The following CACNA1C variants were observed in gnomAD, a reference collection of about 807,000 sequenced individuals.
The protein encoded by CACNA1C is voltage-dependent L-type calcium channel subunit alpha-1C.
Under a neutral mutation model 229.0 loss-of-function variants are expected in CACNA1C, and 30 were observed. That is an observed-to-expected ratio of 0.13 (90% CI 0.10 to 0.18). CACNA1C has a LOEUF of 0.18. Among genes scored for constraint, CACNA1C ranks in the 10% least tolerant of loss-of-function variants. The pLI, the probability that CACNA1C is intolerant of heterozygous loss-of-function variation, is 1.00. For missense variants in CACNA1C, 1,658 were observed against 2,845.0 expected, an observed-to-expected ratio of 0.58 and a Z score of 9.49; for synonymous variants, 1,114 against 1,132.5, an observed-to-expected ratio of 0.98 and a Z score of 0.33.
chr12:2,015,229 C>T (rs2045143386), intron 1 of CACNA1C, among the ~76,000 whole-genome samples: 1 of 152,208 alleles, frequency 6.6e-6, no homozygotes, highest in South Asian at 2.1e-4. Flanking sequence ...TGACAAGGGG[C>T]ACCCGTTGGG....
intron 3 of CACNA1C, among the ~76,000 whole-genome samples, chr12:2,359,037 C>T (rs548245222): frequency 6.6e-6 from 1 of 152,328 alleles, no homozygotes; most frequent in South Asian, 2.1e-4. Flanking sequence ...TCCACCTCTC[C>T]TGGCTGATTT....
intron 3 of CACNA1C, among the ~76,000 whole-genome samples, chr12:2,182,324 C>CTGTTACAGTGA (rs2096867200): frequency 1.3e-5 from 2 of 152,162 alleles, no homozygotes; most frequent in Middle Eastern, 3.4e-3. Context: ...TTCATGCACC[C>CTGTTACAGTGA]TGGGGTGGGT....
chr12:2,597,336 C>T lies in CACNA1C; in HGVS notation c.2853+47C>T. On this transcript the variant is annotated intron_variant, in intron 21 of 46. Transcript: ENST00000399655. The surrounding 1 kb of genome is among the most constrained non-coding windows in gnomAD (Gnocchi z 4.3). ...GCTCCTCCTGTCCCCCTTGTGCCAG[C>T]ACCAGGTCTCTGCCGCTGTCTGTCG... 1 of 1,528,768 alleles carries T rather than the reference C, an allele frequency of 6.5e-7. No homozygotes were observed. Among genetic ancestry groups the T allele is most frequent in the Non-Finnish European group, 9.1e-7 (1 of 1,102,308 alleles). 94.7% of individuals were successfully genotyped at this position (1,528,768 alleles called of 1,614,324 possible).
rs755938549 is a variant in CACNA1C, at chr12:2,666,818, A to AAAT, written c.4623+38_4623+40dup. 5 of 1,277,666 alleles carry AAAT rather than the reference A, an allele frequency of 3.9e-6. No individual in the cohort carries two copies. The South Asian group carries it at 5.1e-5, about 13-fold the overall frequency. The allele number at this position is 1,277,666 out of a possible 1,614,324, so 79.1% of individuals were successfully genotyped here. A position where few individuals can be genotyped will look rare whatever the true frequency, so the allele number is the denominator to read the frequency against. On this transcript the variant is annotated intron_variant, in intron 37 of 46. Transcript: ENST00000399655. The surrounding 1 kb of genome is among the most constrained non-coding windows in gnomAD (Gnocchi z 5.3). ...ACGGGGTTCATGGGAGGGAGAGGGA[A>AAAT]AATAGGGGAAGTGAAGTGCCCATTT... is the stretch of plus-strand genomic sequence containing the variant.
At chr12:2,199,674 C>G (rs978852690) in intron 3 of CACNA1C, among the ~76,000 whole-genome samples, 1 of 152,068 alleles carries the variant, frequency 6.6e-6, no homozygotes, top group African/African-American at 2.4e-5. Flanking sequence ...AAACTGCATT[C>G]CATCTTCTTG....
At chr12:1,989,770 G>A (rs2038878736) in intron 1 of CACNA1C, among the ~76,000 whole-genome samples, 1 of 152,144 alleles carries the variant, frequency 6.6e-6, no homozygotes, top group Non-Finnish European at 1.5e-5. Flanking sequence ...TATAACTTAA[G>A]TATTATATTT....
chr12:2,060,530 T>G (rs1165112166), intron 1 of CACNA1C, among the ~76,000 whole-genome samples: 1 of 152,236 alleles, frequency 6.6e-6, no homozygotes, highest in African/African-American at 2.4e-5. Flanking sequence ...ATTGGCTGAC[T>G]TGTTTCATAC....
At chr12:2,071,460 T>C (rs2061320009) in intron 1 of CACNA1C, among the ~76,000 whole-genome samples, 1 of 151,940 alleles carries the variant, frequency 6.6e-6, no homozygotes, top group South Asian at 2.1e-4. Flanking sequence ...TAAGCTCCAG[T>C]GATGATACCA....
intron 5 of CACNA1C, among the ~76,000 whole-genome samples, chr12:2,468,222 C>T (rs2099570503): frequency 6.6e-6 from 1 of 152,216 alleles, no homozygotes; most frequent in African/African-American, 2.4e-5. Flanking sequence ...GGTAAAAAGT[C>T]CTCATGGCAA....
At chr12:2,588,597 G>T (rs539644310) in intron 18 of CACNA1C, among the ~76,000 whole-genome samples, 1 of 152,308 alleles carries the variant, frequency 6.6e-6, no homozygotes, top group African/African-American at 2.4e-5. Flanking sequence ...CAGAGGAGGG[G>T]CCTGTTTCTA....
At chr12:2,142,844 AGT>A (rs2094383363) in intron 3 of CACNA1C, among the ~76,000 whole-genome samples, 1 of 151,476 alleles carries the variant, frequency 6.6e-6, no homozygotes, top group African/African-American at 2.4e-5. Flanking sequence ...ACAGCTATAC[AGT>A]GTGTTTGTGT....
At chr12:2,301,087 G>A (rs897455439) in intron 3 of CACNA1C, among the ~76,000 whole-genome samples, 5 of 152,140 alleles carry the variant, frequency 3.3e-5, no homozygotes, top group Non-Finnish European at 7.4e-5. Context: ...GTCGTGAGCC[G>A]GTCCTCAGGG....
intron 1 of CACNA1C, among the ~76,000 whole-genome samples, chr12:1,976,513 C>T (rs2034405477): frequency 6.6e-6 from 1 of 152,120 alleles, no homozygotes; most frequent in African/African-American, 2.4e-5. Context: ...TGTCAAATTC[C>T]TCGGCTCCCA....
chr12:2,460,817 T>C (rs2099495867), intron 5 of CACNA1C, among the ~76,000 whole-genome samples: 1 of 152,196 alleles, frequency 6.6e-6, no homozygotes, highest in South Asian at 2.1e-4. Flanking sequence ...CTGGTTTCCT[T>C]TGGGTCACCA....
At chr12:2,002,815 C>G (rs1291750286) in intron 1 of CACNA1C, among the ~76,000 whole-genome samples, 1 of 152,072 alleles carries the variant, frequency 6.6e-6, no homozygotes, top group Non-Finnish European at 1.5e-5. Flanking sequence ...TGTAGAATAT[C>G]TTTTTATATA....
intron 3 of CACNA1C, among the ~76,000 whole-genome samples, chr12:2,126,484 C>T (rs1035730607): frequency 1.3e-5 from 2 of 152,216 alleles, no homozygotes; most frequent in East Asian, 1.9e-4. Flanking sequence ...CTGAAGCCCA[C>T]GAAGACTTGG....
intron 5 of CACNA1C, among the ~76,000 whole-genome samples, chr12:2,485,730 G>T (rs115386730): frequency 6.6e-6 from 1 of 152,184 alleles, no homozygotes; most frequent in Admixed American, 6.5e-5. Context: ...CTGCAGGGCC[G>T]TCTTGAGTCC....
At chr12:2,312,789 C>G (rs1342879677) in intron 3 of CACNA1C, among the ~76,000 whole-genome samples, 3 of 152,124 alleles carry the variant, frequency 2.0e-5, no homozygotes, top group Non-Finnish European at 2.9e-5. Flanking sequence ...CTTAAAAAAG[C>G]TTGTGATCAT....
At chr12:2,084,653 A>T (rs1233126368) in intron 1 of CACNA1C, among the ~76,000 whole-genome samples, 5 of 152,116 alleles carry the variant, frequency 3.3e-5, no homozygotes, top group Non-Finnish European at 5.9e-5. Flanking sequence ...ACTTGGATGG[A>T]GTGCTCAGCC....
Sources: gnomAD v4.1 joint callset for allele counts (sites outside exome capture counted in the v4.1 genomes callset) on GRCh38, gnomAD v4.1.1 for gene constraint, Gnocchi (gnomAD v3.1) non-coding constraint, MANE v1.5 for transcripts, NCBI Gene and HGNC (gene_info 2026-07-23, HGNC 2026-07-21) for gene names.